Variants in BRF2 observed in about 807,000 individuals in gnomAD.
The protein encoded by BRF2 is transcription factor IIIB 50 kDa subunit.
BRF2 carries 17 observed loss-of-function variants against 26.6 expected under a neutral mutation model. The observed-to-expected ratio is 0.64, with a 90% CI of 0.44 to 0.96. BRF2 has a LOEUF of 0.96. BRF2 is among the 40% of genes least tolerant of loss of function. The probability of loss-of-function intolerance (pLI) is 0.00; values close to 1 mark genes in which losing one functional copy is unlikely to be tolerated. For synonymous variants in BRF2, 219 were observed against 226.6 expected, an observed-to-expected ratio of 0.97 and a Z score of 0.30; for missense variants, 515 against 537.0, an observed-to-expected ratio of 0.96 and a Z score of 0.40.
rs117121305 is a variant in BRF2 at position 37,849,826 on chromosome 8, T to G, written c.-43A>C. The G allele has an allele frequency of 1.0e-5, 16 of 1,558,266 alleles. No homozygotes were observed. In the African/African-American group the frequency reaches 2.0e-4, roughly 20 times the overall value. On this transcript the variant is annotated 5_prime_UTR_variant, in exon 1 of 4. Transcript: ENST00000220659. ...AGCCGCGGAAGCCTTCAGAGACTCC[T>G]GGGTCTGCAACAGCAACCGTGAGGC...
chr8:37,848,496 C>G, intron 2 of BRF2, 100 bp downstream of exon 2: 5 of 1,076,836 alleles, frequency 4.6e-6, no homozygotes, highest in Non-Finnish European at 7.2e-6. Context: ...ATCCACCTGC[C>G]TAGGCCTCCC....
Position 37,846,859 on chromosome 8 carries a change from G to A in BRF2, c.531C>T (p.Cys177=). 1 of 1,610,890 alleles carries A rather than the reference G, an allele frequency of 6.2e-7. No homozygotes were observed. Among genetic ancestry groups the A allele is most frequent in the Non-Finnish European group, 8.5e-7 (1 of 1,177,292 alleles). Residue 177 remains cysteine, a synonymous_variant, in exon 3 of 4, where the codon TGC becomes TGT. Transcript: ENST00000220659. The stretch of plus-strand genomic sequence containing the variant: ...GTCTCCCACCAGGGACGTACCTGCT[G>A]CAATAGGTCTTCACCAGTTCTGCCA... ...LCLAELVKTY[C]SSFKLFQASP...
Position 37,849,600 on chromosome 8 carries a change from GCCCCAGGCTGT to G in BRF2, c.154+19_154+29del. Reference sequence around the variant, plus strand: ...GGAATCTGATGTTAATCCCTCCACCGCCCCAGGCTGTCCCCAGGGCCACAAGTACCTCGGAG... The same window carrying G: ...GGAATCTGATGTTAATCCCTCCACCGCCCCAGGGCCACAAGTACCTCGGAG... On this transcript the variant is annotated intron_variant, in intron 1 of 3. Coordinates refer to ENST00000220659, the MANE Select transcript of BRF2 (RefSeq NM_018310.4). 2 of 1,592,660 alleles carry G rather than the reference GCCCCAGGCTGT, an allele frequency of 1.3e-6. No individual in the cohort carries two copies. Among genetic ancestry groups the G allele is most frequent in the Non-Finnish European group, 1.7e-6 (2 of 1,164,290 alleles).
chr8:37,849,529 G>A, intron 1 of BRF2, 101 bp downstream of exon 1: 1 of 960,648 alleles, frequency 1.0e-6, no homozygotes, highest in Non-Finnish European at 1.6e-6. Flanking sequence ...CTCAAATTAA[G>A]TGTGTGCGTT....
chr8:37,849,485 C>A, intron 1 of BRF2, 145 bp downstream of exon 1: 1 of 667,258 alleles, frequency 1.5e-6, no homozygotes. Flanking sequence ...CCCCCATCTC[C>A]TTCAGCTCCC....
rs775407636 is a variant in BRF2, at chr8:37,844,796, T to C, written c.954A>G (p.Glu318=). 2 of 1,614,008 alleles carry C rather than the reference T, an allele frequency of 1.2e-6. No individual in the cohort carries two copies. Among genetic ancestry groups the C allele is most frequent in the African/African-American group, 2.7e-5 (2 of 74,918 alleles). ...VRSAFRDGTA[E]VETREKEPPG... is the part of the protein sequence containing the mutation. ...GTGGCTCCTTCTCTCGGGTCTCCAC[T>C]TCTGCTGTCCCATCCCGAAAGGCAG... The change falls in exon 4 of 4, where the codon GAA becomes GAG. Residue 318 remains glutamate, a synonymous_variant. Coordinates refer to ENST00000220659, the MANE Select transcript of BRF2 (RefSeq NM_018310.4).
rs1274294333 is a variant in BRF2 at position 37,844,568 on chromosome 8, A to G, written c.1182T>C (p.Arg394=). The G allele has an allele frequency of 6.2e-7, 1 of 1,614,106 alleles. No homozygotes were observed. Among genetic ancestry groups the G allele is most frequent in the Admixed American group, 1.7e-5 (1 of 60,026 alleles). ...ISDSEIEQYL[R]TPQEVRDFQR... ...GAAAGTCCCTAACTTCCTGAGGGGT[A>G]CGCAAATACTGTTCTATTTCACTAT... The change falls in exon 4 of 4, where the codon CGT becomes CGC. Residue 394 remains arginine, a synonymous_variant. Transcript: ENST00000220659.
In BRF2 at chr8:37,847,167, G is replaced by A. The variant is rs529934053; in HGVS notation, c.223C>T (p.Arg75Ter). The A allele has an allele frequency of 3.1e-6, 5 of 1,613,308 alleles. No individual in the cohort carries two copies. The highest frequency in any genetic ancestry group is 1.3e-5 in the African/African-American group (1 of 75,024). ...VSRSQQRGLR[R>*]VRDLCRVLQL... ...AGAACTCGACAAAGGTCTCTCACTCGCCGGAGACCTAGGAAAAACCCACGG... is the reference window on the plus strand; with the variant it reads ...AGAACTCGACAAAGGTCTCTCACTCACCGGAGACCTAGGAAAAACCCACGG... Residue 75 changes from arginine to a stop codon, truncating the protein, a stop_gained, in exon 3 of 4, where the codon CGA (arginine) becomes TGA (stop). Coordinates refer to ENST00000220659, the MANE Select transcript of BRF2 (RefSeq NM_018310.4). LOFTEE classifies it high-confidence loss of function.
Position 37,844,709 on chromosome 8 carries a change from C to G in BRF2, c.1041G>C (p.Gln347His), listed in dbSNP as rs1466946146. The G allele has an allele frequency of 6.2e-7, 1 of 1,614,116 alleles. No homozygotes were observed. The highest frequency in any genetic ancestry group is 1.7e-5 in the Admixed American group (1 of 60,022). Residue 347 changes from glutamine to histidine, a missense_variant, in exon 4 of 4, where the codon CAG becomes CAC. Physicochemically the swap from Gln to His is conservative, Grantham distance 24 (BLOSUM62 0). Coordinates refer to ENST00000220659, the MANE Select transcript of BRF2 (RefSeq NM_018310.4). ...GGGCAGGACTGGCCGGCCGCTTCCC[C>G]TGGGGTAAACCTAAGGAATTATTTC... ...EVGNNSLGLPQGKRPASPALL... is the reference protein window; with the variant it reads ...EVGNNSLGLPHGKRPASPALL...
At chr8:37,847,476 C>CCCA (rs1242312929) in intron 2 of BRF2, 8 of 493,062 alleles carry the variant, frequency 1.6e-5, no homozygotes, top group Admixed American at 5.0e-5. Flanking sequence ...TCTGATCAAA[C>CCCA]CCAAACCTTA....
intron 1 of BRF2, 108 bp from the exon 2 acceptor site, chr8:37,848,763 T>G: frequency 1.2e-6 from 1 of 840,986 alleles, no homozygotes; most frequent in Non-Finnish European, 2.0e-6. Context: ...GAGCATCTGC[T>G]GCTGCACAGT....
At position 37,844,600 on chromosome 8, in the gene BRF2, T is replaced by C; in HGVS notation, c.1150A>G (p.Ile384Val). The C allele has an allele frequency of 1.2e-6, 2 of 1,614,082 alleles. No individual in the cohort carries two copies. Among genetic ancestry groups the C allele is most frequent in the Non-Finnish European group, 1.7e-6 (2 of 1,179,992 alleles). The change falls in exon 4 of 4, where the codon ATT becomes GTT. Residue 384 changes from isoleucine (I) to valine (V), a missense_variant. Transcript: ENST00000220659. ...TACTGTTCTATTTCACTATCAGAAATGTTCTCATCTCCAGTGACAGTGGAG... is the reference window on the plus strand; with the variant it reads ...TACTGTTCTATTTCACTATCAGAAACGTTCTCATCTCCAGTGACAGTGGAG... ...PVSTVTGDEN[I>V]SDSEIEQYLR...
Position 37,844,594 on chromosome 8 carries a change from C to T in BRF2, c.1156G>A (p.Asp386Asn). The T allele has an allele frequency of 6.2e-7, 1 of 1,614,132 alleles. No homozygotes were observed. The highest frequency in any genetic ancestry group is 2.2e-5 in the East Asian group (1 of 44,886). The change falls in exon 4 of 4, where the codon GAT (aspartate) becomes AAT (asparagine). Residue 386 changes from aspartate (D) to asparagine (N), a missense_variant. Coordinates refer to ENST00000220659, the MANE Select transcript of BRF2 (RefSeq NM_018310.4). ...CGCAAATACTGTTCTATTTCACTAT[C>T]AGAAATGTTCTCATCTCCAGTGACA... ...STVTGDENISDSEIEQYLRTP... is the reference protein window; with the variant it reads ...STVTGDENISNSEIEQYLRTP...
intron 1 of BRF2, among the ~76,000 whole-genome samples, chr8:37,849,248 C>T (rs1432905444): frequency 6.6e-6 from 1 of 152,218 alleles, no homozygotes; most frequent in Admixed American, 6.5e-5. Flanking sequence ...TTGAGGGCTG[C>T]ACTGGTCAGA....
chr8:37,848,678 T>C (rs376593889), intron 1 of BRF2, 23 bp from the exon 2 acceptor site: 98 of 1,601,316 alleles, frequency 6.1e-5, no homozygotes, highest in Non-Finnish European at 8.0e-5. Context: ...AAACAACAAA[T>C]AGTGTGCTTA....
At position 37,843,964 on chromosome 8, in the gene BRF2, C is replaced by G. The variant is rs540552226; in HGVS notation, c.*526G>C. 7.8e-5 allele frequency: 12 copies of G among 153,768 alleles called. No individual in the cohort carries two copies. The highest frequency in any genetic ancestry group is 2.9e-4 in the African/African-American group (12 of 41,558). The allele number at this position is 153,768 out of a possible 1,614,324, so 9.5% of individuals were successfully genotyped here. A position where few individuals can be genotyped will look rare whatever the true frequency, so the allele number is the denominator to read the frequency against. On this transcript the variant is annotated 3_prime_UTR_variant, in exon 4 of 4. Coordinates refer to ENST00000220659, the MANE Select transcript of BRF2 (RefSeq NM_018310.4). ...TAATATATTAAAATTTTGCAAAGCC[C>G]TTTGAGCTACTGCCTTAGTCTACCC... is the stretch of plus-strand genomic sequence containing the variant.
chr8:37,849,457 AAC>A (rs1806023468), intron 1 of BRF2, among the ~76,000 whole-genome samples, 171 bp downstream of exon 1: 1 of 152,220 alleles, frequency 6.6e-6, no homozygotes, highest in South Asian at 2.1e-4. Flanking sequence ...GTGCTGGGAA[AAC>A]ACAGATGAAT....
intron 2 of BRF2, among the ~76,000 whole-genome samples, chr8:37,847,921 GTTTTC>G (rs1390796437): frequency 5.5e-5 from 8 of 145,878 alleles, no homozygotes; most frequent in South Asian, 4.3e-4. Context: ...CACCAGGATA[GTTTTC>G]TTTTATTATT....
Position 37,847,071 on chromosome 8 carries a change from G to A in BRF2, c.319C>T (p.Arg107Ter), listed in dbSNP as rs1192524864. 8 of 1,614,112 alleles carry A rather than the reference G, an allele frequency of 5.0e-6. No homozygotes were observed. The highest frequency in any genetic ancestry group is 4.0e-5 in the African/African-American group (3 of 74,934). ...TCCTTCTTTTGCAGCCTGGCCGCTC[G>A]GATGCCAGAGTGCCGATATGCCTGT... The part of the protein sequence containing the change: ...YQQAYRHSGI[R>*]AARLQKKEVL... Residue 107 changes from arginine (R) to a stop codon, truncating the protein, a stop_gained, in exon 3 of 4, where the codon CGA (arginine) becomes TGA (stop). Transcript: ENST00000220659. LOFTEE classifies it high-confidence loss of function.
Sources: gnomAD v4.1 joint callset for allele counts (sites outside exome capture counted in the v4.1 genomes callset) on GRCh38, gnomAD v4.1.1 for gene constraint, MANE v1.5 for transcripts, NCBI Gene and HGNC (gene_info 2026-07-23, HGNC 2026-07-21) for gene names.